BABAM2: variants seen among roughly 807,000 people sequenced by gnomAD.
BABAM2 encodes BRISC and BRCA1 A complex member 2, also known as BRISC and BRCA1-A complex member 2.
Under a neutral mutation model 54.7 loss-of-function variants are expected in BABAM2, and 31 were observed. That is an observed-to-expected ratio of 0.57 (90% CI 0.43 to 0.77). The LOEUF is 0.77. Among genes scored for constraint, BABAM2 ranks in the 30% least tolerant of loss-of-function variants. The pLI, the probability that BABAM2 is intolerant of heterozygous loss-of-function variation, is 0.00. For missense variants in BABAM2, 364 were observed against 455.8 expected, an observed-to-expected ratio of 0.80 and a Z score of 1.83; for synonymous variants, 167 against 162.9, an observed-to-expected ratio of 1.03 and a Z score of -0.19.
chr2:27,975,332 C>A (rs967200960), intron 3 of BABAM2, among the ~76,000 whole-genome samples: 7 of 152,114 alleles, frequency 4.6e-5, no homozygotes, highest in Middle Eastern at 6.8e-3. Flanking sequence ...AGGAGTCAGA[C>A]TACTCAGTTT....
intron 7 of BABAM2, among the ~76,000 whole-genome samples, chr2:28,208,787 C>A (rs752890266): frequency 7.2e-5 from 11 of 152,190 alleles, no homozygotes; most frequent in Non-Finnish European, 1.6e-4. Flanking sequence ...TTTCACAAAT[C>A]TTCCTAGGTG....
At chr2:27,962,982 T>C (rs1350480) in intron 3 of BABAM2, among the ~76,000 whole-genome samples, 11,814 of 152,202 alleles carry the variant, frequency 0.078, 781 homozygotes, top group African/African-American at 0.18. Context: ...GCATTGACAG[T>C]TTTATGGTAC....
At chr2:28,122,930 TA>T (rs1558358463) in intron 6 of BABAM2, among the ~76,000 whole-genome samples, 1 of 152,212 alleles carries the variant, frequency 6.6e-6, no homozygotes, top group Non-Finnish European at 1.5e-5. Context: ...AGTTTTTTTT[TA>T]AATAAAATCT....
intron 7 of BABAM2, among the ~76,000 whole-genome samples, chr2:28,218,727 A>G (rs1680133342): frequency 6.6e-6 from 1 of 152,216 alleles, no homozygotes; most frequent in Admixed American, 6.5e-5. Context: ...GAGACTATGT[A>G]AATGTCTTCC....
intron 10 of BABAM2, among the ~76,000 whole-genome samples, chr2:28,260,941 CTTT>C (rs34766123): frequency 1.8e-5 from 2 of 110,790 alleles, no homozygotes; most frequent in Non-Finnish European, 3.8e-5. Flanking sequence ...CATTTTCTTT[CTTT>C]TTTTTTTTTT....
chr2:28,197,110 C>A (rs1677673691), intron 7 of BABAM2, among the ~76,000 whole-genome samples: 1 of 151,988 alleles, frequency 6.6e-6, no homozygotes. Context: ...ACCTACACCT[C>A]CTGAAGTGCT....
chr2:28,152,154 C>T (rs192751060), intron 7 of BABAM2, among the ~76,000 whole-genome samples: 4 of 152,340 alleles, frequency 2.6e-5, no homozygotes, highest in East Asian at 1.9e-4. Context: ...CAAAGAGCCA[C>T]ATCTGAAATT....
intron 11 of BABAM2, among the ~76,000 whole-genome samples, chr2:28,331,287 A>G (rs1280043211): frequency 6.6e-6 from 1 of 152,234 alleles, no homozygotes; most frequent in Non-Finnish European, 1.5e-5. Flanking sequence ...AAAAACGTCA[A>G]AAGAATTGCA....
chr2:27,958,052 C>T (rs72812510), intron 3 of BABAM2, among the ~76,000 whole-genome samples: 4 of 152,038 alleles, frequency 2.6e-5, no homozygotes, highest in Admixed American at 6.6e-5. Flanking sequence ...AAATTGTGTT[C>T]GGCCTTTCAA....
At chr2:28,018,297 A>C (rs1253021901) in intron 4 of BABAM2, among the ~76,000 whole-genome samples, 1 of 152,208 alleles carries the variant, frequency 6.6e-6, no homozygotes, top group African/African-American at 2.4e-5. Flanking sequence ...ACTTAGAATA[A>C]TAGTCTCCAA....
chr2:28,267,353 C>T (rs904515853), intron 10 of BABAM2, among the ~76,000 whole-genome samples: 5 of 152,012 alleles, frequency 3.3e-5, no homozygotes, highest in African/African-American at 1.2e-4. Flanking sequence ...CCACAAGTCC[C>T]TCACTCCCCC....
rs1673117731 is a variant in BABAM2, at chr2:27,995,986, T to C, written c.300+7899T>C. Among the ~76,000 whole-genome samples, 1 of 152,360 alleles carries C rather than the reference T, an allele frequency of 6.6e-6. No homozygotes were observed. Among genetic ancestry groups the C allele is most frequent in the South Asian group, 2.1e-4 (1 of 4,826 alleles). ...TGGTTAACTTATCTTTTCATCTATA[T>C]CTAAATGGCTTTCTCCACTTTCTTG... On this transcript the variant is annotated intron_variant, in intron 4 of 11. Transcript: ENST00000379624. This position sits in a 1 kb window ranked among gnomAD's most constrained non-coding sequence, Gnocchi z 4.1.
intron 11 of BABAM2, among the ~76,000 whole-genome samples, chr2:28,315,416 G>A (rs1558524617): frequency 7.3e-6 from 1 of 136,478 alleles, no homozygotes; most frequent in East Asian, 2.1e-4. Context: ...TGTGTGTGTG[G>A]TTCTTTTTTC....
chr2:28,124,050 TG>T (rs1410135440), intron 6 of BABAM2, among the ~76,000 whole-genome samples: 1 of 152,218 alleles, frequency 6.6e-6, no homozygotes, highest in Admixed American at 6.5e-5. Context: ...TGGTGGCCCC[TG>T]GTTCTTTGCA....
intron 6 of BABAM2, among the ~76,000 whole-genome samples, chr2:28,098,037 T>A (rs754862646): frequency 5.9e-5 from 9 of 152,248 alleles, no homozygotes; most frequent in Non-Finnish European, 1.0e-4. Context: ...ATAACTTTGG[T>A]GTTTTTCCTT....
chr2:28,270,268 C>T (rs1354765195), intron 10 of BABAM2, among the ~76,000 whole-genome samples: 2 of 152,024 alleles, frequency 1.3e-5, no homozygotes, highest in Non-Finnish European at 2.9e-5. Context: ...GTTACAGGCA[C>T]GTCCCAGCAC....
At chr2:28,232,657 G>A (rs891352528) in intron 7 of BABAM2, among the ~76,000 whole-genome samples, 4 of 152,204 alleles carry the variant, frequency 2.6e-5, no homozygotes, top group African/African-American at 9.6e-5. Context: ...TAACACAATG[G>A]TAAGTATTTG....
chr2:28,224,849 GACA>G (rs1680736339), intron 7 of BABAM2, among the ~76,000 whole-genome samples: 1 of 60,372 alleles, frequency 1.7e-5, no homozygotes, highest in African/African-American at 5.8e-5. Flanking sequence ...ACGGTAAATT[GACA>G]AAAAAAAAAA....
At chr2:28,026,906 AAATATATATT>A (rs1161637279) in intron 5 of BABAM2, among the ~76,000 whole-genome samples, 1 of 27,734 alleles carries the variant, frequency 3.6e-5, no homozygotes, top group Non-Finnish European at 7.7e-5. Context: ...AAATATATAT[AAATATATATT>A]AATATATATA....
Sources: allele counts gnomAD v4.1 joint callset (sites outside exome capture counted in the v4.1 genomes callset), GRCh38; gene constraint gnomAD v4.1.1; non-coding constraint Gnocchi (gnomAD v3.1); transcripts MANE v1.5; gene names NCBI Gene and HGNC (gene_info 2026-07-23, HGNC 2026-07-21).